The following MIPEP variants were observed in gnomAD, a reference collection of about 807,000 sequenced individuals.
MIPEP encodes the protein mitochondrial intermediate peptidase.
MIPEP carries 79 observed loss-of-function variants against 90.3 expected under a neutral mutation model. The observed-to-expected ratio is 0.87, with a 90% CI of 0.73 to 1.05. The LOEUF is 1.05. Ranked by LOEUF, MIPEP falls within the 50% of genes least tolerant of loss-of-function variation. MIPEP has a pLI of 0.00. For synonymous variants in MIPEP, 334 were observed against 315.8 expected, an observed-to-expected ratio of 1.06 and a Z score of -0.61; for missense variants, 940 against 905.6, an observed-to-expected ratio of 1.04 and a Z score of -0.49.
chr13:23,868,893 TCTGA>T (rs759322418), intron 7 of MIPEP, among the ~76,000 whole-genome samples: 6 of 152,200 alleles, frequency 3.9e-5, no homozygotes, highest in South Asian at 2.1e-4. Flanking sequence ...AGGAGGCTTA[TCTGA>T]CTGTGTGTTT....
At chr13:23,758,946 G>C (rs1323481355) in intron 17 of MIPEP, among the ~76,000 whole-genome samples, 1 of 152,142 alleles carries the variant, frequency 6.6e-6, no homozygotes, top group Non-Finnish European at 1.5e-5. Context: ...AAAACGTGCT[G>C]GTTTCTGCCA....
chr13:23,779,381 T>A (rs1456729281), intron 16 of MIPEP, among the ~76,000 whole-genome samples: 1 of 151,972 alleles, frequency 6.6e-6, no homozygotes, highest in Non-Finnish European at 1.5e-5. Context: ...TATGTATCAG[T>A]GATAATCAGC....
At chr13:23,794,434 A>G (rs2137380608) in intron 16 of MIPEP, among the ~76,000 whole-genome samples, 1 of 152,328 alleles carries the variant, frequency 6.6e-6, no homozygotes, top group South Asian at 2.1e-4. Flanking sequence ...CATAAAGGTA[A>G]AGAGGCATCA....
chr13:23,875,653 CTGAT>C (rs71802613), intron 4 of MIPEP, among the ~76,000 whole-genome samples: 6,392 of 151,650 alleles, frequency 0.042, 426 homozygotes, highest in African/African-American at 0.15. Flanking sequence ...ATTTACCTTC[CTGAT>C]TATTACATCA....
intron 14 of MIPEP, among the ~76,000 whole-genome samples, chr13:23,832,059 G>A (rs1868796541): frequency 1.3e-5 from 2 of 152,080 alleles, no homozygotes; most frequent in African/African-American, 2.4e-5. Flanking sequence ...AAGCCCCAAT[G>A]GGGCTTAAAT....
intron 2 of MIPEP, among the ~76,000 whole-genome samples, chr13:23,885,267 G>A (rs563739156): frequency 6.6e-6 from 1 of 152,290 alleles, no homozygotes; most frequent in East Asian, 1.9e-4. Flanking sequence ...TGGAAATAAA[G>A]AGTAGAAGGA....
At chr13:23,748,280 T>C (rs1490321565) in intron 18 of MIPEP, among the ~76,000 whole-genome samples, 2 of 152,168 alleles carry the variant, frequency 1.3e-5, no homozygotes, top group Non-Finnish European at 1.5e-5. Context: ...ATTCACTCAT[T>C]GCACAAATAT....
At chr13:23,844,001 A>C (rs1869424173) in intron 10 of MIPEP, among the ~76,000 whole-genome samples, 1 of 152,114 alleles carries the variant, frequency 6.6e-6, no homozygotes, top group Non-Finnish European at 1.5e-5. Flanking sequence ...AGGTGCAATG[A>C]TGGGAGGAGG....
At chr13:23,797,780 C>G (rs1011298296) in intron 16 of MIPEP, among the ~76,000 whole-genome samples, 1 of 152,178 alleles carries the variant, frequency 6.6e-6, no homozygotes, top group African/African-American at 2.4e-5. Context: ...AAATTAAAAA[C>G]GAGGATCCCA....
chr13:23,822,464 A>G (rs75674138), intron 14 of MIPEP, among the ~76,000 whole-genome samples: 5,620 of 152,300 alleles, frequency 0.037, 160 homozygotes, highest in Non-Finnish European at 0.056. Context: ...AAATGCTCCT[A>G]TTTCAAGCAT....
rs1368185066 is a variant in MIPEP at position 23,840,080 on chromosome 13, G to C, written c.1261-354C>G. 2.6e-5 allele frequency among the ~76,000 whole-genome samples: 4 copies of C among 152,112 alleles called. No individual in the cohort carries two copies. In the South Asian group the frequency reaches 6.2e-4, roughly 24 times the overall value. Reference sequence around the variant, plus strand: ...CAAATTATTTTTCCTTCAAATCCTGGAATGTCGTGATATACGCCCAAGCAA... The same window carrying C: ...CAAATTATTTTTCCTTCAAATCCTGCAATGTCGTGATATACGCCCAAGCAA... On this transcript the variant is annotated intron_variant, in intron 11 of 18. Coordinates refer to ENST00000382172, the MANE Select transcript of MIPEP (RefSeq NM_005932.4).
intron 7 of MIPEP, among the ~76,000 whole-genome samples, chr13:23,867,626 G>A (rs1566022963): frequency 6.6e-6 from 1 of 152,112 alleles, no homozygotes; most frequent in Non-Finnish European, 1.5e-5. Flanking sequence ...TTTGTACACT[G>A]ACTTATTTCC....
At chr13:23,791,344 T>C (rs1952896189) in intron 16 of MIPEP, among the ~76,000 whole-genome samples, 1 of 152,174 alleles carries the variant, frequency 6.6e-6, no homozygotes, top group African/African-American at 2.4e-5. Context: ...CCTGCAATCA[T>C]AACTCACATC....
intron 17 of MIPEP, among the ~76,000 whole-genome samples, chr13:23,759,644 C>A (rs1478080181): frequency 6.6e-6 from 1 of 152,144 alleles, no homozygotes; most frequent in Admixed American, 6.6e-5. Context: ...ATTGGGAAAG[C>A]AGGACTACTG....
intron 9 of MIPEP, among the ~76,000 whole-genome samples, chr13:23,859,199 C>T (rs933244199): frequency 4.6e-5 from 7 of 152,086 alleles, no homozygotes; most frequent in African/African-American, 1.2e-4. Context: ...TAAACATTAA[C>T]GAATTATATT....
At chr13:23,787,925 A>G (rs1952865400) in intron 16 of MIPEP, among the ~76,000 whole-genome samples, 1 of 152,166 alleles carries the variant, frequency 6.6e-6, no homozygotes, top group African/African-American at 2.4e-5. Context: ...CAGGTAAAAA[A>G]GGGTCCCTAT....
intron 15 of MIPEP, among the ~76,000 whole-genome samples, chr13:23,807,296 A>G (rs575264350): frequency 6.6e-6 from 1 of 152,372 alleles, no homozygotes; most frequent in African/African-American, 2.4e-5. Context: ...ACTGACTTGA[A>G]CATTTGACTT....
At chr13:23,843,536 A>G (rs1869401312) in intron 10 of MIPEP, among the ~76,000 whole-genome samples, 1 of 152,282 alleles carries the variant, frequency 6.6e-6, no homozygotes, top group Non-Finnish European at 1.5e-5. Context: ...AAGTTGAGAT[A>G]AAGAAAAATA....
intron 16 of MIPEP, among the ~76,000 whole-genome samples, chr13:23,798,639 T>C (rs548280057): frequency 3.3e-5 from 5 of 152,186 alleles, no homozygotes; most frequent in Non-Finnish European, 5.9e-5. Flanking sequence ...TGGATTCTCA[T>C]GGTTTAACAC....
Sources: gnomAD v4.1 joint callset for allele counts (sites outside exome capture counted in the v4.1 genomes callset) on GRCh38, gnomAD v4.1.1 for gene constraint, MANE v1.5 for transcripts, NCBI Gene and HGNC (gene_info 2026-07-23, HGNC 2026-07-21) for gene names.